PCDHGA8: variants seen among roughly 807,000 people sequenced by gnomAD.
The protein encoded by PCDHGA8 is protocadherin gamma-A8.
Under a neutral mutation model 59.2 loss-of-function variants are expected in PCDHGA8, and 45 were observed. The observed-to-expected ratio is 0.76, with a 90% CI of 0.60 to 0.98. The LOEUF is 0.98. Among genes scored for constraint, PCDHGA8 ranks in the 50% least tolerant of loss-of-function variants. The probability of loss-of-function intolerance (pLI) is 0.00; values close to 1 mark genes in which losing one functional copy is unlikely to be tolerated. For missense variants in PCDHGA8, 1,257 were observed against 1,196.2 expected, an observed-to-expected ratio of 1.05 and a Z score of -0.75; for synonymous variants, 531 against 519.0, an observed-to-expected ratio of 1.02 and a Z score of -0.32.
At chr5:141,402,976 G>C in intron 1 of PCDHGA8, 5 of 1,608,120 alleles carry the variant, frequency 3.1e-6, no homozygotes, top group Non-Finnish European at 4.2e-6. Context: ...CCAAATGCCA[G>C]CTCCGCGGAA....
At chr5:141,398,923 G>A in intron 1 of PCDHGA8, 1 of 1,613,978 alleles carries the variant, frequency 6.2e-7, no homozygotes, top group Non-Finnish European at 8.5e-7. Context: ...GCAAGTGTCA[G>A]CCACTGACCA....
chr5:141,421,380 G>A, intron 1 of PCDHGA8: 1 of 1,614,064 alleles, frequency 6.2e-7, no homozygotes, highest in Non-Finnish European at 8.5e-7. Context: ...ATATCTCCAA[G>A]GACCTGGGGC....
At chr5:141,499,029 A>AAGGAAGGAAGGAAGGAAGGAAGG (rs1562187768) in intron 2 of PCDHGA8, among the ~76,000 whole-genome samples, 1 of 139,968 alleles carries the variant, frequency 7.1e-6, no homozygotes, top group African/African-American at 2.8e-5. Flanking sequence ...AGGAAGGAAG[A>AAGGAAGGAAGGAAGGAAGGAAGG]AAAGAAAGAA....
In PCDHGA8 at chr5:141,477,085, G is replaced by A. The variant is rs1420972762; in HGVS notation, c.2425-17722G>A. On this transcript the variant is annotated intron_variant, in intron 1 of 3. Coordinates refer to ENST00000398604, the MANE Select transcript of PCDHGA8 (RefSeq NM_032088.2). This position sits in a 1 kb window ranked among gnomAD's most constrained non-coding sequence, Gnocchi z 4.9. ...CCAAACTCCATGAGATTTACATCCAGGCCAAAGACAAGGGCGCCAATCCCG... is the reference window on the plus strand; with the variant it reads ...CCAAACTCCATGAGATTTACATCCAAGCCAAAGACAAGGGCGCCAATCCCG... 1 of 1,614,262 alleles carries A rather than the reference G, an allele frequency of 6.2e-7. No individual in the cohort carries two copies. The highest frequency in any genetic ancestry group is 1.7e-5 in the Admixed American group (1 of 60,034).
chr5:141,431,748 G>A lies in PCDHGA8; in HGVS notation c.2424+36511G>A, dbSNP rs759671844. On this transcript the variant is annotated intron_variant, in intron 1 of 3. Coordinates refer to ENST00000398604, the MANE Select transcript of PCDHGA8 (RefSeq NM_032088.2). This position sits in a 1 kb window ranked among gnomAD's most constrained non-coding sequence, Gnocchi z 4.8. ...ATGGATAATGCAGGATATTCTGCGC[G>A]AGCCAAAGTCCTGATCACTGTTCTG... 4 of 1,614,078 alleles carry A rather than the reference G, an allele frequency of 2.5e-6. No individual in the cohort carries two copies. Among genetic ancestry groups the A allele is most frequent in the African/African-American group, 1.3e-5 (1 of 74,934 alleles).
chr5:141,466,612 C>T (rs141916895), intron 1 of PCDHGA8, among the ~76,000 whole-genome samples: 1 of 152,262 alleles, frequency 6.6e-6, no homozygotes, highest in East Asian at 1.9e-4. Flanking sequence ...TTGTAAACTG[C>T]CGTTTTCTTT....
intron 1 of PCDHGA8, among the ~76,000 whole-genome samples, chr5:141,470,845 G>T (rs1381257094): frequency 1.3e-5 from 2 of 151,972 alleles, no homozygotes; most frequent in African/African-American, 4.8e-5. Flanking sequence ...ACGCCACCAT[G>T]CTCAGATAAG....
intron 1 of PCDHGA8, among the ~76,000 whole-genome samples, chr5:141,455,445 C>T (rs1175054167): frequency 6.6e-6 from 1 of 152,134 alleles, no homozygotes; most frequent in Non-Finnish European, 1.5e-5. Context: ...TCCCCATCTA[C>T]CGCGGATACC....
Position 141,476,091 on chromosome 5 carries a change from G to T in PCDHGA8, c.2425-18716G>T, listed in dbSNP as rs1470774975. The T allele has an allele frequency of 1.3e-6, 2 of 1,563,074 alleles. No homozygotes were observed. Among genetic ancestry groups the T allele is most frequent in the Non-Finnish European group, 1.7e-6 (2 of 1,159,286 alleles). On this transcript the variant is annotated intron_variant, in intron 1 of 3. Coordinates refer to ENST00000398604, the MANE Select transcript of PCDHGA8 (RefSeq NM_032088.2). This position sits in a 1 kb window ranked among gnomAD's most constrained non-coding sequence, Gnocchi z 7.6. ...AAATCTCAGGGACGATCTGGACCCC[G>T]CTGAGAGGAACTGCTTTTGAGTGAG...
At chr5:141,400,796 A>G (rs2094076929) in intron 1 of PCDHGA8, 1 of 559,742 alleles carries the variant, frequency 1.8e-6, no homozygotes. Context: ...CCTCTTTCTC[A>G]AAGCTAATGA....
Position 141,393,272 on chromosome 5 carries a change from A to G in PCDHGA8, c.459A>G (p.Pro153=). 1 of 1,613,892 alleles carries G rather than the reference A, an allele frequency of 6.2e-7. No homozygotes were observed. The highest frequency in any genetic ancestry group is 8.5e-7 in the Non-Finnish European group (1 of 1,179,898). ...NEIAVPGARY[P]LPEAVDPDVG... ...TCGCGGTTCCTGGAGCACGTTATCCACTCCCAGAAGCTGTTGACCCGGATG... is the reference window on the plus strand; with the variant it reads ...TCGCGGTTCCTGGAGCACGTTATCCGCTCCCAGAAGCTGTTGACCCGGATG... The change falls in exon 1 of 4, where the codon CCA becomes CCG. Residue 153 remains proline, a synonymous_variant. Coordinates refer to ENST00000398604, the MANE Select transcript of PCDHGA8 (RefSeq NM_032088.2).
chr5:141,477,737 G>T lies in PCDHGA8; in HGVS notation c.2425-17070G>T, dbSNP rs1178108717. 1.2e-6 allele frequency: 2 copies of T among 1,613,846 alleles called. No homozygotes were observed. Among genetic ancestry groups the T allele is most frequent in the South Asian group, 1.1e-5 (1 of 91,088 alleles). ...ATTTGAATTAACAGCTCATATCAGC[G>T]ATGGGGGCACCCCGGTCCTAGCCAC... On this transcript the variant is annotated intron_variant, in intron 1 of 3. Coordinates refer to ENST00000398604, the MANE Select transcript of PCDHGA8 (RefSeq NM_032088.2). This position sits in a 1 kb window ranked among gnomAD's most constrained non-coding sequence, Gnocchi z 4.9.
chr5:141,485,074 G>C lies in PCDHGA8; in HGVS notation c.2425-9733G>C, dbSNP rs2099606548. ...GGCCGAACCGCGCCAGAGCTGGCGC[G>C]GGGAAAGGGAGATAGGTGTCTCCAG... On this transcript the variant is annotated intron_variant, in intron 1 of 3. Coordinates refer to ENST00000398604, the MANE Select transcript of PCDHGA8 (RefSeq NM_032088.2). The surrounding 1 kb of genome is among the most constrained non-coding windows in gnomAD (Gnocchi z 5.7). 1 of 926,946 alleles carries C rather than the reference G, an allele frequency of 1.1e-6. No individual in the cohort carries two copies. The highest frequency in any genetic ancestry group is 1.6e-5 in the South Asian group (1 of 62,606). The allele number at this position is 926,946 out of a possible 1,614,324, so 57.4% of individuals were successfully genotyped here.
At chr5:141,503,675 T>C (rs1233495836) in intron 2 of PCDHGA8, among the ~76,000 whole-genome samples, 1 of 152,104 alleles carries the variant, frequency 6.6e-6, no homozygotes. Flanking sequence ...CTTCCCACTT[T>C]TGGGAAGGAG....
At chr5:141,502,866 C>CTTTTTTTT (rs549047197) in intron 2 of PCDHGA8, among the ~76,000 whole-genome samples, 38,988 of 127,080 alleles carry the variant, frequency 0.31, 7,978 homozygotes, top group African/African-American at 0.51. Flanking sequence ...GACTCTCTGT[C>CTTTTTTTT]TTTTTTTTTT....
intron 1 of PCDHGA8, chr5:141,417,639 C>G: frequency 1.3e-6 from 1 of 745,670 alleles, no homozygotes; most frequent in Non-Finnish European, 2.1e-6. Flanking sequence ...CGCCGGGGAT[C>G]CCTCAGCCTC....
chr5:141,415,289 C>T (rs1413039067), intron 1 of PCDHGA8: 11 of 1,614,088 alleles, frequency 6.8e-6, no homozygotes, highest in African/African-American at 1.3e-5. Flanking sequence ...GCCGCGGTCT[C>T]CTGCGTCTTC....
At chr5:141,478,788 T>A (rs576491824) in intron 1 of PCDHGA8, 147 of 1,473,736 alleles carry the variant, frequency 1.0e-4, no homozygotes, top group Non-Finnish European at 1.3e-4. Context: ...CTAATTCACA[T>A]CCTCAGCACT....
chr5:141,395,077 AG>A lies in PCDHGA8; in HGVS notation c.2266del (p.Glu756LysfsTer13), dbSNP rs747226962. 4.3e-6 allele frequency: 7 copies of A among 1,614,024 alleles called. No individual in the cohort carries two copies. The African/African-American group carries it at 9.3e-5, about 22-fold the overall frequency. On this transcript the variant is annotated frameshift_variant, in exon 1 of 4. Transcript: ENST00000398604. LOFTEE classifies it high-confidence loss of function. ...CAGGCTTTCCTGCAGACCTATTCCC[AG>A]GAAGTCTCCCTCACCGCCGACTCGC... The part of the protein sequence containing the change: ...EVQAFLQTYS[Q>X]EVSLTADSRK...
Sources: allele counts gnomAD v4.1 joint callset (sites outside exome capture counted in the v4.1 genomes callset), GRCh38; gene constraint gnomAD v4.1.1; non-coding constraint Gnocchi (gnomAD v3.1); transcripts MANE v1.5; gene names NCBI Gene and HGNC (gene_info 2026-07-23, HGNC 2026-07-21).